GALNS: variants seen among roughly 807,000 people sequenced by gnomAD.
The protein encoded by GALNS is galactosamine (N-acetyl)-6-sulfatase, also known as N-acetylgalactosamine-6-sulfatase.
Under a neutral mutation model 65.9 loss-of-function variants are expected in GALNS, and 65 were observed. The ratio of observed to expected loss-of-function variants is 0.99; its 90% confidence interval spans 0.81 to 1.21. The LOEUF is 1.21. Ranked by LOEUF, GALNS falls within the 50% of genes most tolerant of loss-of-function variation. The probability of loss-of-function intolerance (pLI) is 0.00; values close to 1 mark genes in which losing one functional copy is unlikely to be tolerated. For missense variants in GALNS, 776 were observed against 700.7 expected (o/e 1.11, Z -1.21); for synonymous variants, 346 against 288.9 (o/e 1.20, Z -2.00).
intron 8 of GALNS, among the ~76,000 whole-genome samples, chr16:88,833,521 G>A (rs1035961533): frequency 6.7e-6 from 1 of 149,020 alleles, no homozygotes. Flanking sequence ...GTGCGATCTC[G>A]GCTCACTGCA....
chr16:88,842,710 C>A lies in GALNS; in HGVS notation c.240G>T (p.Ser80=). ...GCGAGGGCCCCGCTGACTTACATGG[C>A]GAGCACAGAGGGTTGGCAGAATAGA... ...PNFYSANPLC[S]PSRAALLTGR... The change falls in exon 2 of 14, where the codon TCG becomes TCT. Residue 80 remains serine, a synonymous_variant. Transcript: ENST00000268695. 2.5e-6 allele frequency: 4 copies of A among 1,612,556 alleles called. No homozygotes were observed. Among genetic ancestry groups the A allele is most frequent in the Non-Finnish European group, 3.4e-6 (4 of 1,179,650 alleles).
chr16:88,815,421 C>T (rs890772338), intron 13 of GALNS: 2 of 985,378 alleles, frequency 2.0e-6, no homozygotes, highest in African/African-American at 3.5e-5. Context: ...CGCTGCTGGG[C>T]TCAGTTCAGT....
At chr16:88,835,487 C>G in intron 7 of GALNS, 135 bp from the exon 8 acceptor site, 22 of 1,330,822 alleles carry the variant, frequency 1.7e-5, no homozygotes, top group South Asian at 4.9e-5. Flanking sequence ...TGGCCGGCCT[C>G]TTCCCAGAAG....
At chr16:88,819,799 T>C (rs1910016285) in intron 12 of GALNS, among the ~76,000 whole-genome samples, 1 of 152,040 alleles carries the variant, frequency 6.6e-6, no homozygotes, top group African/African-American at 2.4e-5. Context: ...GTTCAAGCGA[T>C]TCTCCTGCCT....
At chr16:88,832,132 G>C in intron 8 of GALNS, 31 bp from the exon 9 acceptor site, 1 of 1,578,504 alleles carries the variant, frequency 6.3e-7, no homozygotes, top group Non-Finnish European at 8.7e-7. Flanking sequence ...TCAGGCCACT[G>C]GGACCAGATG....
In GALNS at chr16:88,815,574, C is replaced by G. The variant is rs574143614; in HGVS notation, c.1483-1049G>C. ...GGGAGACTTATGCCGCTAAGAGGAG[C>G]CTTCTTGGCTGAAATGAGTGCAGTT... On this transcript the variant is annotated intron_variant, in intron 13 of 13. Coordinates refer to ENST00000268695, the MANE Select transcript of GALNS (RefSeq NM_000512.5). The G allele has an allele frequency of 1.2e-5, 12 of 985,492 alleles. No individual in the cohort carries two copies. In the East Asian group the frequency reaches 4.5e-4, roughly 37 times the overall value. The allele number at this position is 985,492 out of a possible 1,614,324, so 61.0% of individuals were successfully genotyped here.
In GALNS at chr16:88,822,601, C is replaced by T. The variant is rs779517946; in HGVS notation, c.1352G>A (p.Arg451Lys). ...IFHLGRDPGERFPLSFASAEY... is the reference protein window; with the variant it reads ...IFHLGRDPGEKFPLSFASAEY... Reference sequence around the variant, plus strand: ...TGCACCGACTCACCTGAGGGGGAACCTCTCCCCTGGGTCCCGTCCCAGGTG... The same window carrying T: ...TGCACCGACTCACCTGAGGGGGAACTTCTCCCCTGGGTCCCGTCCCAGGTG... Residue 451 changes from arginine (R) to lysine (K), a missense_variant, in exon 12 of 14, where the codon AGG (arginine) becomes AAG (lysine). By Grantham distance (26) the Arg-to-Lys change is conservative. Coordinates refer to ENST00000268695, the MANE Select transcript of GALNS (RefSeq NM_000512.5). The T allele has an allele frequency of 6.2e-7, 1 of 1,612,628 alleles. No individual in the cohort carries two copies. The highest frequency in any genetic ancestry group is 1.7e-5 in the Admixed American group (1 of 59,990).
chr16:88,837,971 G>A, intron 4 of GALNS: 1 of 585,200 alleles, frequency 1.7e-6, no homozygotes, highest in Non-Finnish European at 3.1e-6. Context: ...ACCCTGCAGA[G>A]CGTCTGGGCA....
chr16:88,818,503 C>T (rs1191536407), intron 12 of GALNS, among the ~76,000 whole-genome samples: 1 of 152,164 alleles, frequency 6.6e-6, no homozygotes, highest in Admixed American at 6.5e-5. Flanking sequence ...ATGACACACC[C>T]TTCTTTCATT....
At chr16:88,856,427 C>T in intron 1 of GALNS, 1 of 700,946 alleles carries the variant, frequency 1.4e-6, no homozygotes, top group East Asian at 2.7e-5. Context: ...GGAGGCAGGG[C>T]CCGGTAGCAC....
At chr16:88,821,613 C>A (rs1221834877) in intron 12 of GALNS, among the ~76,000 whole-genome samples, 2 of 152,176 alleles carry the variant, frequency 1.3e-5, no homozygotes, top group African/African-American at 4.8e-5. Context: ...AGGCTCAGCC[C>A]CGTGGGAAGG....
chr16:88,842,977 C>T (rs1967052924), intron 1 of GALNS, 148 bp from the exon 2 acceptor site: 4 of 1,528,464 alleles, frequency 2.6e-6, no homozygotes, highest in Non-Finnish European at 3.5e-6. Context: ...TCGGCCAAAC[C>T]CCAGCATCGC....
At chr16:88,816,576 T>G in intron 13 of GALNS, 1 of 962,252 alleles carries the variant, frequency 1.0e-6, no homozygotes, top group African/African-American at 1.9e-5. Flanking sequence ...TAAATAACCC[T>G]GCAGGGTGGA....
chr16:88,855,649 A>C (rs901068413), intron 1 of GALNS: 12 of 601,928 alleles, frequency 2.0e-5, no homozygotes, highest in African/African-American at 7.4e-5. Context: ...TTAAAAAACC[A>C]TTAATTTAAT....
chr16:88,841,085 G>C lies in GALNS; in HGVS notation c.329C>G (p.Pro110Arg), dbSNP rs761043390. The C allele has an allele frequency of 6.2e-7, 1 of 1,612,912 alleles. No homozygotes were observed. The highest frequency in any genetic ancestry group is 1.7e-5 in the Admixed American group (1 of 60,028). Residue 110 changes from proline to arginine, a missense_variant, in exon 4 of 14, where the codon CCG (proline) becomes CGG (arginine). Pro to Arg is a moderately radical substitution (Grantham distance 103). Coordinates refer to ENST00000268695, the MANE Select transcript of GALNS (RefSeq NM_000512.5). ...TNAHARNAYT[P>R]QEIVGGIPDS... ...TGGGATGCCGCCCACAATCTCCTGC[G>C]GTGTGTAGGCTGGAAGAGCAGCGCT...
chr16:88,839,511 A>C (rs1007710770), intron 4 of GALNS, among the ~76,000 whole-genome samples: 15 of 152,216 alleles, frequency 9.9e-5, no homozygotes, highest in African/African-American at 3.6e-4. Context: ...CCTGCCCTGC[A>C]CACCCGCGTG....
At position 88,828,846 on chromosome 16, in the gene GALNS, C is replaced by T. The variant is rs181554652; in HGVS notation, c.1003-2008G>A. Among the ~76,000 whole-genome samples the T allele has an allele frequency of 8.5e-5, 13 of 152,308 alleles. 1 individual carries two copies. Among genetic ancestry groups the T allele is most frequent in the Admixed American group, 2.0e-4 (3 of 15,310 alleles). ...TTTCCAGGCTGCTGCTGAGCACAGC[C>T]ACGGGTGGCTCCCAGCCTGGGGAGC... On this transcript the variant is annotated intron_variant, in intron 9 of 13. Transcript: ENST00000268695.
At chr16:88,850,660 T>A (rs996935824) in intron 1 of GALNS, among the ~76,000 whole-genome samples, 4 of 151,858 alleles carry the variant, frequency 2.6e-5, no homozygotes, top group Admixed American at 1.3e-4. Flanking sequence ...GGGGAGAAGG[T>A]GCGGGCGGGG....
rs995120483 is a variant in GALNS, at chr16:88,816,388, G to A, written c.1482+1619C>T. ...GGTGGCCCTGGGCTCCTGGGGCCCC[G>A]AGACTCAGGGGTCCTGAGACAGGGA... On this transcript the variant is annotated intron_variant, in intron 13 of 13. Transcript: ENST00000268695. 22 of 985,396 alleles carry A rather than the reference G, an allele frequency of 2.2e-5. No homozygotes were observed. The South Asian group carries it at 2.3e-4, about 11-fold the overall frequency. 61.0% of individuals were successfully genotyped at this position (985,396 alleles called of 1,614,324 possible).
Sources: allele counts gnomAD v4.1 joint callset (sites outside exome capture counted in the v4.1 genomes callset), GRCh38; gene constraint gnomAD v4.1.1; transcripts MANE v1.5; gene names NCBI Gene and HGNC (gene_info 2026-07-23, HGNC 2026-07-21).